The following GRIK3 variants were observed in gnomAD, a reference collection of about 807,000 sequenced individuals.
The protein encoded by GRIK3 is glutamate receptor ionotropic, kainate 3.
In GRIK3, 29 loss-of-function variants were observed where a neutral mutation model predicts 102.5. That is an observed-to-expected ratio of 0.28 (90% CI 0.21 to 0.39). The LOEUF is 0.39. Ranked by LOEUF, GRIK3 falls within the 10% of genes least tolerant of loss-of-function variation. The pLI is 1.00. For synonymous variants in GRIK3, 511 were observed against 504.9 expected (o/e 1.01, Z -0.16); for missense variants, 908 against 1,252.4 (o/e 0.73, Z 4.15).
chr1:36,982,517 C>T (rs1642260617), intron 1 of GRIK3, among the ~76,000 whole-genome samples: 1 of 152,120 alleles, frequency 6.6e-6, no homozygotes, highest in South Asian at 2.1e-4. Flanking sequence ...CAGTCCAGGG[C>T]CAAAAGAATA....
At chr1:36,987,369 G>A (rs544702531) in intron 1 of GRIK3, among the ~76,000 whole-genome samples, 7 of 152,304 alleles carry the variant, frequency 4.6e-5, no homozygotes, top group African/African-American at 1.4e-4. Flanking sequence ...GAGTTCAAGC[G>A]CTTTATTTGG....
intron 2 of GRIK3, among the ~76,000 whole-genome samples, chr1:36,884,429 G>T (rs183253221): frequency 6.6e-6 from 1 of 152,146 alleles, no homozygotes. Flanking sequence ...TTCTTCTGCC[G>T]TCTGGGGGTG....
rs1045322228 is a variant in GRIK3, at chr1:36,986,553, G to A, written c.115+47441C>T. On this transcript the variant is annotated intron_variant, in intron 1 of 15. Transcript: ENST00000373091. ...CTGAGCTCTGTCTGTACCAAGCCCC[G>A]GGTTCTAGGGTCAAAGAGATGAATA... Among the ~76,000 whole-genome samples the A allele has an allele frequency of 3.9e-5, 6 of 152,066 alleles. No homozygotes were observed. The East Asian group carries it at 9.7e-4, about 24-fold the overall frequency.
intron 9 of GRIK3, among the ~76,000 whole-genome samples, chr1:36,848,384 AGT>A (rs1194113272): frequency 2.6e-5 from 4 of 152,080 alleles, no homozygotes; most frequent in African/African-American, 9.7e-5. Context: ...CCTTGTGAAA[AGT>A]GTTTTATTTA....
At chr1:36,980,730 C>A (rs931113345) in intron 1 of GRIK3, among the ~76,000 whole-genome samples, 1 of 152,008 alleles carries the variant, frequency 6.6e-6, no homozygotes, top group Admixed American at 6.5e-5. Context: ...CAGAGCATAA[C>A]CGAAGCAACA....
chr1:37,032,955 G>A (rs994920951), intron 1 of GRIK3, among the ~76,000 whole-genome samples: 5 of 152,324 alleles, frequency 3.3e-5, no homozygotes, highest in South Asian at 2.1e-4. Context: ...CCCTGGCTCG[G>A]CGGAGTCCGG....
chr1:36,816,024 C>G (rs1642622584), intron 13 of GRIK3, among the ~76,000 whole-genome samples: 1 of 151,576 alleles, frequency 6.6e-6, no homozygotes, highest in African/African-American at 2.4e-5. Context: ...GCTGGGATTA[C>G]AGGCATGAGC....
intron 1 of GRIK3, among the ~76,000 whole-genome samples, chr1:37,005,001 C>T (rs549465482): frequency 1.3e-5 from 2 of 152,242 alleles, no homozygotes; most frequent in Non-Finnish European, 2.9e-5. Context: ...GCCTTGTTTC[C>T]TGGGCTTAAG....
chr1:36,929,708 G>A lies in GRIK3; in HGVS notation c.116-38612C>T, dbSNP rs548315969. 1.5e-3 allele frequency among the ~76,000 whole-genome samples: 234 copies of A among 152,298 alleles called. 1 individual carries two copies. Among genetic ancestry groups the A allele is most frequent in the Non-Finnish European group, 2.6e-3 (174 of 68,028 alleles). ...TCCCTGCCTTTGGAATTTCAGGGAT[G>A]GTGTATTAGCTATTTATTGTTGTGT... On this transcript the variant is annotated intron_variant, in intron 1 of 15. Transcript: ENST00000373091.
chr1:36,816,986 T>G, intron 13 of GRIK3, 74 bp downstream of exon 13: 1 of 1,039,078 alleles, frequency 9.6e-7, no homozygotes, highest in Non-Finnish European at 1.5e-6. Flanking sequence ...AGAGACCCCC[T>G]TTCCTCTTCT....
chr1:36,967,766 C>T, intron 1 of GRIK3, among the ~76,000 whole-genome samples: 1 of 152,242 alleles, frequency 6.6e-6, no homozygotes. Context: ...AGACAGGTTA[C>T]TTAAACTCTC....
intron 13 of GRIK3, among the ~76,000 whole-genome samples, chr1:36,810,892 C>T (rs193010696): frequency 2.8e-3 from 429 of 152,306 alleles, no homozygotes; most frequent in Non-Finnish European, 3.6e-3. Flanking sequence ...CCCCCCATCC[C>T]GGCAGCACAT....
intron 13 of GRIK3, among the ~76,000 whole-genome samples, chr1:36,812,509 C>T (rs1189247818): frequency 2.0e-5 from 3 of 152,212 alleles, no homozygotes; most frequent in Non-Finnish European, 2.9e-5. Flanking sequence ...TATAGCCAAA[C>T]AGTGCTTTCA....
chr1:36,887,765 A>ATATAT, intron 2 of GRIK3, among the ~76,000 whole-genome samples: 1 of 98,814 alleles, frequency 1.0e-5, no homozygotes, highest in African/African-American at 5.3e-5. Flanking sequence ...TCAAAAAAAA[A>ATATAT]AAAAAAATAT....
At chr1:36,891,220 G>C in intron 1 of GRIK3, 124 bp from the exon 2 acceptor site, 1 of 672,598 alleles carries the variant, frequency 1.5e-6, no homozygotes, top group Non-Finnish European at 2.6e-6. Context: ...AATATCCTAG[G>C]TAACTGCCAT....
intron 1 of GRIK3, among the ~76,000 whole-genome samples, chr1:36,919,635 C>T (rs1350753687): frequency 2.6e-5 from 4 of 152,188 alleles, no homozygotes; most frequent in Admixed American, 1.3e-4. Flanking sequence ...GTTTTTCTCA[C>T]TCTCTGTCTC....
At chr1:37,033,578 G>C (rs998170483) in intron 1 of GRIK3, among the ~76,000 whole-genome samples, 3 of 152,236 alleles carry the variant, frequency 2.0e-5, no homozygotes, top group South Asian at 4.1e-4. Flanking sequence ...AAGGGCCCGC[G>C]GGGAGTGAGG....
intron 15 of GRIK3, among the ~76,000 whole-genome samples, chr1:36,803,562 C>A (rs922583448): frequency 6.6e-6 from 1 of 152,166 alleles, no homozygotes; most frequent in African/African-American, 2.4e-5. Flanking sequence ...TCCTGAGTAG[C>A]TGGGACTACA....
rs770111876 is a variant in GRIK3 at position 36,872,324 on chromosome 1, T to C, written c.596A>G (p.Asn199Ser). The C allele has an allele frequency of 1.3e-5, 21 of 1,611,900 alleles. No homozygotes were observed. The highest frequency in any genetic ancestry group is 1.8e-5 in the Non-Finnish European group (21 of 1,178,952). ...QELIMAPSRY[N>S]IRLKIRQLPI... is the part of the protein sequence containing the mutation. Reference sequence around the variant, plus strand: ...GAGCTGACGGATCTTCAGGCGGATGTTGTATCTTGATGGGGCCATGATGAG... The same window carrying C: ...GAGCTGACGGATCTTCAGGCGGATGCTGTATCTTGATGGGGCCATGATGAG... The change falls in exon 4 of 16, where the codon AAC becomes AGC. Residue 199 changes from asparagine to serine, a missense_variant. By Grantham distance (46) the Asn-to-Ser change is conservative. Transcript: ENST00000373091. This position sits in a 1 kb window ranked among gnomAD's most constrained non-coding sequence, Gnocchi z 5.9.
Sources: allele counts gnomAD v4.1 joint callset (sites outside exome capture counted in the v4.1 genomes callset), GRCh38; gene constraint gnomAD v4.1.1; non-coding constraint Gnocchi (gnomAD v3.1); transcripts MANE v1.5; gene names NCBI Gene and HGNC (gene_info 2026-07-23, HGNC 2026-07-21).